The following SDK2 variants were observed in gnomAD, a reference collection of about 807,000 sequenced individuals.
The protein encoded by SDK2 is sidekick cell adhesion molecule 2.
SDK2 carries 105 observed loss-of-function variants against 253.9 expected under a neutral mutation model. The observed-to-expected ratio is 0.41, with a 90% CI of 0.35 to 0.49. The LOEUF (loss-of-function observed/expected upper bound fraction) is 0.49. Among genes scored for constraint, SDK2 ranks in the 20% least tolerant of loss-of-function variants. The pLI is 0.06. For synonymous variants in SDK2, 1,249 were observed against 1,234.9 expected (o/e 1.01, Z -0.24); for missense variants, 2,608 against 3,003.0 (o/e 0.87, Z 3.07).
At position 73,618,638 on chromosome 17, in the gene SDK2, C is replaced by G. The variant is rs2046089696; in HGVS notation, c.64+25387G>C. 1.3e-5 allele frequency among the ~76,000 whole-genome samples: 2 copies of G among 152,154 alleles called. No individual in the cohort carries two copies. The highest frequency in any genetic ancestry group is 1.3e-4 in the Admixed American group (2 of 15,268). ...GAGTCCACGTGGTGCCCAAGAACGGCATGGGGGAGTCAGGGAAGCAGAGGC... is the reference window on the plus strand; with the variant it reads ...GAGTCCACGTGGTGCCCAAGAACGGGATGGGGGAGTCAGGGAAGCAGAGGC... On this transcript the variant is annotated intron_variant, in intron 1 of 44. Coordinates refer to ENST00000392650, the MANE Select transcript of SDK2 (RefSeq NM_001144952.2). The surrounding 1 kb of genome is among the most constrained non-coding windows in gnomAD (Gnocchi z 4.1).
chr17:73,503,076 C>G (rs1342036733), intron 2 of SDK2, among the ~76,000 whole-genome samples: 2 of 152,160 alleles, frequency 1.3e-5, no homozygotes, highest in Non-Finnish European at 2.9e-5. Context: ...GCAAAGCCGG[C>G]TGGACTCTCA....
rs1300878591 is a variant in SDK2 at position 73,395,139 on chromosome 17, T to C, written c.3592+16A>G. 3 of 1,561,830 alleles carry C rather than the reference T, an allele frequency of 1.9e-6. No homozygotes were observed. In the Admixed American group the frequency reaches 5.6e-5, roughly 29 times the overall value. ...GGGGACAGGCAGCAGGGTGGCTGGG[T>C]GTGAGGGGTTGGTACCTGACTCCCG... On this transcript the variant is annotated intron_variant, in intron 25 of 44. Coordinates refer to ENST00000392650, the MANE Select transcript of SDK2 (RefSeq NM_001144952.2). The surrounding 1 kb of genome is among the most constrained non-coding windows in gnomAD (Gnocchi z 4.3).
chr17:73,358,006 C>A (rs763617474), intron 40 of SDK2, 73 bp downstream of exon 40: 7 of 1,602,500 alleles, frequency 4.4e-6, no homozygotes, highest in Non-Finnish European at 6.0e-6. Context: ...GAGGCAAGTG[C>A]CCCAAGTGGA....
chr17:73,590,272 T>C (rs1402876080), intron 1 of SDK2, among the ~76,000 whole-genome samples: 1 of 152,202 alleles, frequency 6.6e-6, no homozygotes, highest in Non-Finnish European at 1.5e-5. Context: ...TCCAGGCATG[T>C]GCTAATGCAG....
At chr17:73,514,313 G>A (rs2064005458) in intron 1 of SDK2, among the ~76,000 whole-genome samples, 1 of 152,160 alleles carries the variant, frequency 6.6e-6, no homozygotes, top group Non-Finnish European at 1.5e-5. Context: ...TCAGGGGATC[G>A]CTGACTGCCA....
intron 1 of SDK2, among the ~76,000 whole-genome samples, chr17:73,592,007 C>G (rs1396346500): frequency 6.6e-6 from 1 of 152,218 alleles, no homozygotes; most frequent in African/African-American, 2.4e-5. Context: ...ATGCACCTTG[C>G]AGTTTCTCAC....
intron 44 of SDK2, among the ~76,000 whole-genome samples, chr17:73,339,800 T>A (rs903816365): frequency 9.2e-5 from 14 of 152,124 alleles, no homozygotes. Flanking sequence ...TAAGTGATCC[T>A]CCTGCCTTGG....
rs1053466453 is a variant in SDK2, at chr17:73,606,761, G to C, written c.64+37264C>G. ...ACGCAGAATCCAGATTTTCAGTTCC[G>C]AGAATGGAGAGGGGAAGGGAACAGG... On this transcript the variant is annotated intron_variant, in intron 1 of 44. Transcript: ENST00000392650. Among the ~76,000 whole-genome samples the C allele has an allele frequency of 5.3e-5, 8 of 152,134 alleles. No individual in the cohort carries two copies. The East Asian group carries it at 7.7e-4, about 15-fold the overall frequency.
rs1599459536 is a variant in SDK2, at chr17:73,336,874, T to C, written c.*1713A>G. Reference sequence around the variant, plus strand: ...CCACCCATCTCAGCGGTGGGGCAGGTGTTGGGCTGGCCTTACAGGGCTGGC... The same window carrying C: ...CCACCCATCTCAGCGGTGGGGCAGGCGTTGGGCTGGCCTTACAGGGCTGGC... On this transcript the variant is annotated 3_prime_UTR_variant, in exon 45 of 45. Transcript: ENST00000392650. 4 of 150,400 alleles carry C rather than the reference T, an allele frequency of 2.7e-5. No homozygotes were observed. Among genetic ancestry groups the C allele is most frequent in the Non-Finnish European group, 6.0e-5 (4 of 66,776 alleles). The allele number at this position is 150,400 out of a possible 1,614,324, so 9.3% of individuals were successfully genotyped here.
intron 1 of SDK2, among the ~76,000 whole-genome samples, chr17:73,562,973 G>A (rs147475424): frequency 5.1e-4 from 78 of 152,324 alleles, no homozygotes; most frequent in African/African-American, 1.6e-3. Flanking sequence ...AGTCTGACTC[G>A]GACCTGGGCA....
rs535693808 is a variant in SDK2, at chr17:73,467,322, T to A, written c.331+4790A>T. ...GCGCTGTTTTGGAATCAGGCAGTCA[T>A]GGGTTCAAATCCCAGTTTTTCCTAA... is the stretch of plus-strand genomic sequence containing the variant. On this transcript the variant is annotated intron_variant, in intron 3 of 44. Coordinates refer to ENST00000392650, the MANE Select transcript of SDK2 (RefSeq NM_001144952.2). The surrounding 1 kb of genome is among the most constrained non-coding windows in gnomAD (Gnocchi z 4.1). Among the ~76,000 whole-genome samples, 6 of 152,166 alleles carry A rather than the reference T, an allele frequency of 3.9e-5. No individual in the cohort carries two copies. In the East Asian group the frequency reaches 1.2e-3, roughly 30 times the overall value.
chr17:73,628,046 C>T (rs547897922), intron 1 of SDK2, among the ~76,000 whole-genome samples: 19 of 152,236 alleles, frequency 1.2e-4, no homozygotes, highest in African/African-American at 3.9e-4. Flanking sequence ...AGCGAGACTC[C>T]GTCTCAAAAA....
At position 73,388,030 on chromosome 17, in the gene SDK2, C is replaced by T. The variant is rs139527427; in HGVS notation, c.4200G>A (p.Pro1400=). 20,115 of 1,564,948 alleles carry T rather than the reference C, an allele frequency of 0.013. 152 individuals are homozygous for T. Among genetic ancestry groups the T allele is most frequent in the Non-Finnish European group, 0.015 (17,634 of 1,155,928 alleles). The change falls in exon 30 of 45, where the codon CCG becomes CCA. Residue 1400 remains proline (P), a synonymous_variant. Coordinates refer to ENST00000392650, the MANE Select transcript of SDK2 (RefSeq NM_001144952.2). The stretch of plus-strand genomic sequence containing the variant: ...GCACCATCGGCCTGCTGGGGGGCTG[C>T]GGACGGTCTGGGAGGTGGCAGAGGG... ...LVVTTEKRDR[P]QPPSRPMVQQ...
At chr17:73,523,071 C>A (rs968954025) in intron 1 of SDK2, among the ~76,000 whole-genome samples, 1 of 152,194 alleles carries the variant, frequency 6.6e-6, no homozygotes. Flanking sequence ...GGAAAACCGA[C>A]GCAGAAGAGA....
rs868131056 is a variant in SDK2, at chr17:73,588,409, A to G, written c.64+55616T>C. Among the ~76,000 whole-genome samples the G allele has an allele frequency of 2.5e-3, 370 of 147,246 alleles. 1 individual carries two copies. Among genetic ancestry groups the G allele is most frequent in the East Asian group, 0.013 (64 of 4,926 alleles). On this transcript the variant is annotated intron_variant, in intron 1 of 44. Transcript: ENST00000392650. ...TCTCAAAAAAAAAAAAAAAAAAAAA[A>G]AAAGAAAGAAATGCAAATTCTGGGC...
At chr17:73,367,340 CCCCCAGCCTGAGCTCTCG>C (rs1282284138) in intron 37 of SDK2, among the ~76,000 whole-genome samples, 1 of 151,986 alleles carries the variant, frequency 6.6e-6, no homozygotes, top group Non-Finnish European at 1.5e-5. Context: ...CAATCCCAAT[CCCCCAGCCTGAGCTCTCG>C]CCCCATTTTC....
chr17:73,354,947 C>T (rs948528268), intron 40 of SDK2, among the ~76,000 whole-genome samples: 2 of 151,594 alleles, frequency 1.3e-5, no homozygotes, highest in East Asian at 2.0e-4. Context: ...AGAGGCGCCT[C>T]GACACCCTGG....
chr17:73,551,992 C>A (rs1370887807), intron 1 of SDK2, among the ~76,000 whole-genome samples: 1 of 152,182 alleles, frequency 6.6e-6, no homozygotes, highest in Non-Finnish European at 1.5e-5. Flanking sequence ...GGTGAAGAGA[C>A]CAACCAAGAC....
intron 2 of SDK2, among the ~76,000 whole-genome samples, chr17:73,487,754 C>T (rs1041740379): frequency 6.6e-6 from 1 of 152,176 alleles, no homozygotes; most frequent in African/African-American, 2.4e-5. Context: ...AAATGGGAAA[C>T]GGGTCTAGGT....
Sources: gnomAD v4.1 joint callset for allele counts (sites outside exome capture counted in the v4.1 genomes callset) on GRCh38, gnomAD v4.1.1 for gene constraint, Gnocchi (gnomAD v3.1) non-coding constraint, MANE v1.5 for transcripts, NCBI Gene and HGNC (gene_info 2026-07-23, HGNC 2026-07-21) for gene names.